Variants in TMPRSS15 observed in about 807,000 individuals in gnomAD.
TMPRSS15 encodes the protein enteropeptidase.
In TMPRSS15, 128 loss-of-function variants were observed where a neutral mutation model predicts 125.3. That is an observed-to-expected ratio of 1.02 (90% CI 0.89 to 1.18). TMPRSS15 has a LOEUF of 1.18. TMPRSS15 is among the 50% of genes most tolerant of loss of function. TMPRSS15 has a pLI of 0.00. For synonymous variants in TMPRSS15, 446 were observed against 423.2 expected (o/e 1.05, Z -0.66); for missense variants, 1,283 against 1,212.7 (o/e 1.06, Z -0.86).
rs1326230495 is a variant in TMPRSS15 at position 18,344,188 on chromosome 21, GGA to G, written c.1172-130_1172-129del. 1.1e-4 allele frequency: 89 copies of G among 791,548 alleles called. 1 individual carries two copies. The highest frequency in any genetic ancestry group is 1.8e-4 in the Non-Finnish European group (87 of 476,080). 49.0% of individuals were successfully genotyped at this position (791,548 alleles called of 1,614,324 possible). A position where few individuals can be genotyped will look rare whatever the true frequency, so the allele number is the denominator to read the frequency against. On this transcript the variant is annotated intron_variant, in intron 10 of 24. Coordinates refer to ENST00000284885, the MANE Select transcript of TMPRSS15 (RefSeq NM_002772.3). ...TTAAGGAAATATATTTTAATATAGT[GGA>G]CAGGACACTAGACTCGAGCTCAGAA... is the stretch of plus-strand genomic sequence containing the variant.
At chr21:18,468,516 G>A (rs924778536) in intron 1 of TMPRSS15, among the ~76,000 whole-genome samples, 1 of 147,610 alleles carries the variant, frequency 6.8e-6, no homozygotes, top group Non-Finnish European at 1.5e-5. Context: ...ATCCAGGAAA[G>A]CATTCAGTTT....
At chr21:18,395,428 C>A (rs976501033) in intron 3 of TMPRSS15, among the ~76,000 whole-genome samples, 1 of 152,076 alleles carries the variant, frequency 6.6e-6, no homozygotes, top group Non-Finnish European at 1.5e-5. Flanking sequence ...CTTCACAAAC[C>A]CCTAGTGAGG....
Position 18,353,756 on chromosome 21 carries a change from T to A in TMPRSS15, c.988A>T (p.Thr330Ser). The change falls in exon 9 of 25, where the codon ACA becomes TCA. Residue 330 changes from threonine (T) to serine (S), a missense_variant. Transcript: ENST00000284885. The stretch of plus-strand genomic sequence containing the variant: ...TCACTGCTGTTAAATGCAGTATATG[T>A]TGCATTAAAGCCAACATAATCACTT... ...DESDYVGFNA[T>S]YTAFNSSELN... is the part of the protein sequence containing the mutation. 1 of 1,611,684 alleles carries A rather than the reference T, an allele frequency of 6.2e-7. No individual in the cohort carries two copies. Among genetic ancestry groups the A allele is most frequent in the Non-Finnish European group, 8.5e-7 (1 of 1,178,402 alleles).
chr21:18,341,311 T>A (rs183627242), intron 13 of TMPRSS15, 102 bp downstream of exon 13: 2 of 1,437,632 alleles, frequency 1.4e-6, no homozygotes, highest in Non-Finnish European at 2.0e-6. Flanking sequence ...CTTCAAGCAA[T>A]CCTCCTGCTT....
chr21:18,337,575 T>C (rs1255432495), intron 13 of TMPRSS15, among the ~76,000 whole-genome samples: 1 of 152,190 alleles, frequency 6.6e-6, no homozygotes, highest in African/African-American at 2.4e-5. Flanking sequence ...CAGCAGAAAG[T>C]TATTAAAGTC....
intron 1 of TMPRSS15, among the ~76,000 whole-genome samples, chr21:18,420,979 G>A (rs1432529612): frequency 1.3e-5 from 2 of 152,162 alleles, no homozygotes; most frequent in East Asian, 3.9e-4. Context: ...AAATAAGGAT[G>A]TGCATTTTAA....
intron 16 of TMPRSS15, among the ~76,000 whole-genome samples, chr21:18,318,416 A>G (rs1410774493): frequency 6.6e-6 from 1 of 152,198 alleles, no homozygotes; most frequent in Non-Finnish European, 1.5e-5. Context: ...GTAAAAATAA[A>G]TAAATAAATA....
At chr21:18,294,516 TAAC>T in intron 20 of TMPRSS15, 72 bp from the exon 21 acceptor site, 2 of 1,602,086 alleles carry the variant, frequency 1.2e-6, no homozygotes, top group East Asian at 2.2e-5. Flanking sequence ...AATTGAGTGG[TAAC>T]AAAATAACTT....
chr21:18,380,341 T>C (rs1949622880), intron 4 of TMPRSS15, among the ~76,000 whole-genome samples: 2 of 152,112 alleles, frequency 1.3e-5, no homozygotes, highest in Admixed American at 1.3e-4. Context: ...GAAATGTATA[T>C]CCTTGGCATA....
At chr21:18,282,594 G>C (rs140227163) in intron 21 of TMPRSS15, among the ~76,000 whole-genome samples, 1 of 152,162 alleles carries the variant, frequency 6.6e-6, no homozygotes, top group Non-Finnish European at 1.5e-5. Flanking sequence ...GAGCGTCCAA[G>C]CATTCAGTAA....
At chr21:18,466,145 AAAAC>A (rs1849377989) in intron 1 of TMPRSS15, among the ~76,000 whole-genome samples, 1 of 152,208 alleles carries the variant, frequency 6.6e-6, no homozygotes, top group South Asian at 2.1e-4. Flanking sequence ...AAATCTGACA[AAAAC>A]AAGCAACGAG....
intron 5 of TMPRSS15, among the ~76,000 whole-genome samples, chr21:18,375,440 T>C (rs2075832631): frequency 1.3e-5 from 2 of 152,204 alleles, no homozygotes; most frequent in Admixed American, 1.3e-4. Flanking sequence ...TAATATTTCT[T>C]TTTTTCTAAG....
chr21:18,303,317 G>A (rs1323929585), intron 18 of TMPRSS15, among the ~76,000 whole-genome samples: 2 of 151,572 alleles, frequency 1.3e-5, no homozygotes, highest in African/African-American at 4.9e-5. Context: ...AAATCATGGG[G>A]GAAAAAAGAA....
chr21:18,366,098 T>C (rs541211722), intron 6 of TMPRSS15, among the ~76,000 whole-genome samples: 2 of 152,248 alleles, frequency 1.3e-5, no homozygotes, highest in South Asian at 4.1e-4. Context: ...CTTCCATATT[T>C]GCAAGGAAAT....
chr21:18,422,970 A>G (rs879679296), intron 1 of TMPRSS15, among the ~76,000 whole-genome samples: 1 of 152,154 alleles, frequency 6.6e-6, no homozygotes, highest in Non-Finnish European at 1.5e-5. Context: ...TCTCATTTGC[A>G]TGGGGCTCAG....
At chr21:18,460,192 GAA>G (rs1177998285) in intron 1 of TMPRSS15, among the ~76,000 whole-genome samples, 2 of 152,046 alleles carry the variant, frequency 1.3e-5, no homozygotes, top group African/African-American at 2.4e-5. Context: ...GAGCAATATG[GAA>G]AATGAGTTGT....
upstream of TMPRSS15, among the ~76,000 whole-genome samples, chr21:18,406,243 C>T (rs1601451382): frequency 6.6e-6 from 1 of 152,124 alleles, no homozygotes; most frequent in Non-Finnish European, 1.5e-5. Context: ...CAGAGCTATC[C>T]CACTTAGGGG....
intron 13 of TMPRSS15, among the ~76,000 whole-genome samples, chr21:18,337,661 G>A (rs1326573087): frequency 2.0e-5 from 3 of 152,150 alleles, no homozygotes; most frequent in Non-Finnish European, 4.4e-5. Flanking sequence ...TGGGTTCCCA[G>A]GAAAGAGGGA....
intron 13 of TMPRSS15, among the ~76,000 whole-genome samples, chr21:18,339,615 CAT>C (rs953129782): frequency 2.0e-5 from 3 of 152,088 alleles, no homozygotes; most frequent in African/African-American, 4.8e-5. Flanking sequence ...ACAAAACACA[CAT>C]GAGGTTTAAC....
Sources: allele counts gnomAD v4.1 joint callset (sites outside exome capture counted in the v4.1 genomes callset), GRCh38; gene constraint gnomAD v4.1.1; transcripts MANE v1.5; gene names NCBI Gene and HGNC (gene_info 2026-07-23, HGNC 2026-07-21).